The following SPAG16 variants were observed in gnomAD, a reference collection of about 807,000 sequenced individuals.
SPAG16 encodes sperm-associated antigen 16 protein.
SPAG16 carries 86 observed loss-of-function variants against 80.4 expected under a neutral mutation model. The observed-to-expected ratio is 1.07, with a 90% CI of 0.90 to 1.28. SPAG16 has a LOEUF of 1.28. Among genes scored for constraint, SPAG16 ranks in the 50% most tolerant of loss-of-function variants. The probability of loss-of-function intolerance (pLI) is 0.00; values close to 1 mark genes in which losing one functional copy is unlikely to be tolerated. For synonymous variants in SPAG16, 294 were observed against 265.9 expected (o/e 1.11, Z -1.03); for missense variants, 870 against 765.3 (o/e 1.14, Z -1.61).
chr2:213,836,571 T>A (rs2074096094), intron 10 of SPAG16, among the ~76,000 whole-genome samples: 1 of 152,106 alleles, frequency 6.6e-6, no homozygotes, highest in African/African-American at 2.4e-5. Context: ...AACCCTGATT[T>A]TTTTAATGAG....
rs56944461 is a variant in SPAG16, at chr2:213,588,451, ATT to A, written c.1070+98374_1070+98375del. ...ACACTAACCACCTCATTTATTTGTGATTTTTTTTTTTTTTGTAAGGGAATCCA... is the reference window on the plus strand; with the variant it reads ...ACACTAACCACCTCATTTATTTGTGATTTTTTTTTTTTGTAAGGGAATCCA... On this transcript the variant is annotated intron_variant, in intron 10 of 15. Coordinates refer to ENST00000331683, the MANE Select transcript of SPAG16 (RefSeq NM_024532.5). 1.6e-3 allele frequency among the ~76,000 whole-genome samples: 236 copies of A among 144,108 alleles called. 1 individual carries two copies. Among genetic ancestry groups the A allele is most frequent in the African/African-American group, 4.8e-3 (189 of 39,762 alleles). 94.5% of individuals were successfully genotyped at this position (144,108 alleles called of 152,430 possible).
At chr2:213,300,754 A>C (rs1212284039) in intron 3 of SPAG16, among the ~76,000 whole-genome samples, 1 of 152,166 alleles carries the variant, frequency 6.6e-6, no homozygotes, top group African/African-American at 2.4e-5. Context: ...TTTAAAATTT[A>C]ATATCCAATA....
chr2:214,212,723 C>T (rs1353747980), intron 15 of SPAG16, among the ~76,000 whole-genome samples: 1 of 152,216 alleles, frequency 6.6e-6, no homozygotes, highest in Non-Finnish European at 1.5e-5. Flanking sequence ...TTTTTCATCC[C>T]TTCGATAGAT....
At chr2:214,112,424 CATT>C (rs1355951506) in intron 14 of SPAG16, among the ~76,000 whole-genome samples, 1 of 152,056 alleles carries the variant, frequency 6.6e-6, no homozygotes. Context: ...TAAAGTCTCC[CATT>C]ATTATTGTGT....
chr2:214,008,732 A>G (rs1421106869), intron 12 of SPAG16, among the ~76,000 whole-genome samples: 1 of 148,566 alleles, frequency 6.7e-6, no homozygotes, highest in African/African-American at 2.6e-5. Context: ...GCAACAGAGC[A>G]AGACTCCATC....
chr2:213,739,984 A>G (rs2067471933), intron 10 of SPAG16, among the ~76,000 whole-genome samples: 2 of 152,188 alleles, frequency 1.3e-5, no homozygotes, highest in South Asian at 4.1e-4. Context: ...ATTTGGAAGC[A>G]CTTAGTTTTT....
chr2:214,282,839 T>C (rs1020860417), intron 15 of SPAG16, among the ~76,000 whole-genome samples: 1 of 152,156 alleles, frequency 6.6e-6, no homozygotes, highest in Non-Finnish European at 1.5e-5. Flanking sequence ...TGTGAGACAC[T>C]ATGTAGGTTT....
intron 15 of SPAG16, among the ~76,000 whole-genome samples, chr2:214,407,511 A>G (rs562793330): frequency 9.5e-4 from 144 of 152,238 alleles, no homozygotes; most frequent in African/African-American, 3.4e-3. Context: ...ATATAGTTAA[A>G]TCTTTTATCC....
rs78577738 is a variant in SPAG16, at chr2:214,090,140, G to T, written c.1528-18056G>T. On this transcript the variant is annotated intron_variant, in intron 13 of 15. Coordinates refer to ENST00000331683, the MANE Select transcript of SPAG16 (RefSeq NM_024532.5). Reference sequence around the variant, plus strand: ...AATCAATAAAAGCTTTTGCAAAAGAGATATATGGAGATATGAAGTGTGATG... The same window carrying T: ...AATCAATAAAAGCTTTTGCAAAAGATATATATGGAGATATGAAGTGTGATG... 5.3e-4 allele frequency among the ~76,000 whole-genome samples: 81 copies of T among 151,954 alleles called. No individual in the cohort carries two copies. In the East Asian group the frequency reaches 0.014, roughly 27 times the overall value.
chr2:213,534,769 C>T (rs929240126), intron 10 of SPAG16, among the ~76,000 whole-genome samples: 15 of 152,068 alleles, frequency 9.9e-5, no homozygotes, highest in African/African-American at 3.6e-4. Context: ...TTATTTGTCA[C>T]AAATCAACAA....
chr2:214,383,028 C>T (rs533320579), intron 15 of SPAG16, among the ~76,000 whole-genome samples: 15 of 152,158 alleles, frequency 9.9e-5, no homozygotes, highest in African/African-American at 3.4e-4. Context: ...AAAGACAACT[C>T]CATTCATCTG....
At chr2:214,301,045 T>TAATAAC (rs1694512332) in intron 15 of SPAG16, among the ~76,000 whole-genome samples, 1 of 147,128 alleles carries the variant, frequency 6.8e-6, no homozygotes, top group African/African-American at 2.5e-5. Flanking sequence ...ATAATAATAA[T>TAATAAC]AATAATAATA....
intron 10 of SPAG16, among the ~76,000 whole-genome samples, chr2:213,522,102 T>A (rs997798205): frequency 8.5e-5 from 13 of 152,226 alleles, no homozygotes; most frequent in African/African-American, 3.1e-4. Flanking sequence ...TGCTATCTTT[T>A]TCCTGTGGCT....
At position 213,869,253 on chromosome 2, in the gene SPAG16, C is replaced by CAAAAAAAAAAAAA. The variant is rs1329869756; in HGVS notation, c.1214+6637_1214+6638insAAAAAAAAAAAAA. Among the ~76,000 whole-genome samples the CAAAAAAAAAAAAA allele has an allele frequency of 2.6e-3, 213 of 82,632 alleles. 43 individuals carry two copies. Among genetic ancestry groups the CAAAAAAAAAAAAA allele is most frequent in the South Asian group, 3.9e-3 (8 of 2,058 alleles). 54.2% of individuals were successfully genotyped at this position (82,632 alleles called of 152,430 possible). A position where few individuals can be genotyped will look rare whatever the true frequency, so the allele number is the denominator to read the frequency against. The stretch of plus-strand genomic sequence containing the variant: ...GGGCAACAAGAGCTAAAGTCCATGT[C>CAAAAAAAAAAAAA]AAAAAAAAAAAATATATATATATAT... On this transcript the variant is annotated intron_variant, in intron 11 of 15. Coordinates refer to ENST00000331683, the MANE Select transcript of SPAG16 (RefSeq NM_024532.5).
At chr2:213,522,428 G>T (rs1388886320) in intron 10 of SPAG16, among the ~76,000 whole-genome samples, 1 of 152,188 alleles carries the variant, frequency 6.6e-6, no homozygotes, top group African/African-American at 2.4e-5. Flanking sequence ...AAAAAGGGGG[G>T]TGGGAAGAGA....
intron 12 of SPAG16, among the ~76,000 whole-genome samples, chr2:213,943,992 T>G (rs1017121701): frequency 6.6e-6 from 1 of 152,180 alleles, no homozygotes; most frequent in Non-Finnish European, 1.5e-5. Flanking sequence ...TGCAAAAACA[T>G]GTTATTCTTC....
intron 15 of SPAG16, among the ~76,000 whole-genome samples, chr2:214,323,984 C>A (rs2125998673): frequency 6.6e-6 from 1 of 152,144 alleles, no homozygotes; most frequent in African/African-American, 2.4e-5. Context: ...ACATGCATGT[C>A]CTAATGATTA....
At chr2:213,956,445 C>T (rs1228336091) in intron 12 of SPAG16, among the ~76,000 whole-genome samples, 1 of 120,058 alleles carries the variant, frequency 8.3e-6, no homozygotes, top group Non-Finnish European at 1.8e-5. Flanking sequence ...CATTTTTTTT[C>T]CTTTTTTTTT....
intron 10 of SPAG16, among the ~76,000 whole-genome samples, chr2:213,545,070 A>C (rs1176257067): frequency 6.6e-6 from 1 of 152,142 alleles, no homozygotes; most frequent in Non-Finnish European, 1.5e-5. Flanking sequence ...CTGTCTTCCA[A>C]AGTGGCTGTA....
Sources: allele counts gnomAD v4.1 joint callset (sites outside exome capture counted in the v4.1 genomes callset), GRCh38; gene constraint gnomAD v4.1.1; transcripts MANE v1.5; gene names NCBI Gene and HGNC (gene_info 2026-07-23, HGNC 2026-07-21).